The following NRXN3 variants were observed in gnomAD, a reference collection of about 807,000 sequenced individuals.
NRXN3 encodes neurexin III.
Under a neutral mutation model 137.6 loss-of-function variants are expected in NRXN3, and 32 were observed. That is an observed-to-expected ratio of 0.23 (90% confidence interval 0.18 to 0.31). NRXN3 has a LOEUF of 0.31. Ranked by LOEUF, NRXN3 falls within the 10% of genes least tolerant of loss-of-function variation. The pLI, the probability that NRXN3 is intolerant of heterozygous loss-of-function variation, is 1.00. For synonymous variants in NRXN3, 798 were observed against 784.5 expected, an observed-to-expected ratio of 1.02 and a Z score of -0.29; for missense variants, 1,574 against 2,062.5, an observed-to-expected ratio of 0.76 and a Z score of 4.59.
At chr14:79,545,382 G>A (rs1423382946) in intron 16 of NRXN3, among the ~76,000 whole-genome samples, 1 of 152,076 alleles carries the variant, frequency 6.6e-6, no homozygotes, top group Non-Finnish European at 1.5e-5. Context: ...AAATGCAGAT[G>A]TTGTTTTTAA....
At chr14:78,444,846 G>A (rs2094368210) in intron 4 of NRXN3, among the ~76,000 whole-genome samples, 1 of 145,560 alleles carries the variant, frequency 6.9e-6, no homozygotes, top group African/African-American at 2.6e-5. Flanking sequence ...GTGAACCCGG[G>A]AGGCAGAGGT....
chr14:79,596,321 T>G (rs2097858261), intron 16 of NRXN3, among the ~76,000 whole-genome samples: 1 of 152,182 alleles, frequency 6.6e-6, no homozygotes, highest in Non-Finnish European at 1.5e-5. Flanking sequence ...TTGCTTAACT[T>G]TTCTAAATTT....
chr14:78,611,476 T>C lies in NRXN3; in HGVS notation c.758-33644T>C, dbSNP rs1268354882. On this transcript the variant is annotated intron_variant, in intron 4 of 20. Coordinates refer to ENST00000335750, the MANE Select transcript of NRXN3 (RefSeq NM_001330195.2). The stretch of plus-strand genomic sequence containing the variant: ...TCACTTATGGATATACCAGAAAGCA[T>C]ACATATATAATGCAATTATTTGCAT... Among the ~76,000 whole-genome samples the C allele has an allele frequency of 2.6e-5, 4 of 151,782 alleles. 1 individual carries two copies. The highest frequency in any genetic ancestry group is 9.7e-5 in the African/African-American group (4 of 41,308).
intron 4 of NRXN3, among the ~76,000 whole-genome samples, chr14:78,463,509 C>G (rs1004277170): frequency 6.6e-6 from 1 of 151,354 alleles, no homozygotes; most frequent in Non-Finnish European, 1.5e-5. Flanking sequence ...AATTTACATT[C>G]CTACAGTGTA....
intron 15 of NRXN3, among the ~76,000 whole-genome samples, chr14:79,358,402 C>G (rs2093507577): frequency 6.6e-6 from 1 of 151,248 alleles, no homozygotes; most frequent in Non-Finnish European, 1.5e-5. Flanking sequence ...AACCCCGTCT[C>G]TACTAAAAAT....
intron 4 of NRXN3, among the ~76,000 whole-genome samples, chr14:78,589,511 C>G (rs932429474): frequency 4.6e-5 from 7 of 152,180 alleles, no homozygotes; most frequent in African/African-American, 1.7e-4. Context: ...CATGAAATCA[C>G]CAAAGCCTTT....
intron 4 of NRXN3, among the ~76,000 whole-genome samples, chr14:78,566,197 C>T (rs1054895139): frequency 6.6e-6 from 1 of 151,966 alleles, no homozygotes; most frequent in East Asian, 1.9e-4. Context: ...AAACAGGTGC[C>T]CCCGATGATC....
intron 1 of NRXN3, among the ~76,000 whole-genome samples, chr14:78,196,451 G>T (rs1290372006): frequency 6.6e-6 from 1 of 152,200 alleles, no homozygotes; most frequent in East Asian, 1.9e-4. Flanking sequence ...AGAAACACTT[G>T]ACCCCACTGC....
intron 16 of NRXN3, among the ~76,000 whole-genome samples, chr14:79,504,004 G>C (rs1314174751): frequency 6.6e-6 from 1 of 152,138 alleles, no homozygotes; most frequent in East Asian, 1.9e-4. Flanking sequence ...AGTCTAACCT[G>C]GAATCTTTTC....
At chr14:79,836,142 C>T (rs1396976580) in intron 20 of NRXN3, among the ~76,000 whole-genome samples, 1 of 152,090 alleles carries the variant, frequency 6.6e-6, no homozygotes, top group African/African-American at 2.4e-5. Flanking sequence ...TTATTCCTCT[C>T]AAAGTTCAGC....
At chr14:79,120,682 A>G (rs1198205774) in intron 15 of NRXN3, among the ~76,000 whole-genome samples, 1 of 152,104 alleles carries the variant, frequency 6.6e-6, no homozygotes, top group African/African-American at 2.4e-5. Context: ...TTTTTATATT[A>G]TTCACCTTTT....
rs140378176 is a variant in NRXN3 at position 79,620,481 on chromosome 14, T to G, written c.3445-43297T>G. ...AAGGGAAAACTTATTAGGATGCTAG[T>G]TCTCTGAGGTTATAAAGACCATAAG... On this transcript the variant is annotated intron_variant, in intron 16 of 20. Coordinates refer to ENST00000335750, the MANE Select transcript of NRXN3 (RefSeq NM_001330195.2). Among the ~76,000 whole-genome samples, 309 of 152,204 alleles carry G rather than the reference T, an allele frequency of 2.0e-3. 1 individual carries two copies. Among genetic ancestry groups the G allele is most frequent in the South Asian group, 9.5e-3 (46 of 4,824 alleles).
intron 10 of NRXN3, among the ~76,000 whole-genome samples, chr14:78,919,982 G>A (rs1350083450): frequency 6.6e-6 from 1 of 152,152 alleles, no homozygotes; most frequent in African/African-American, 2.4e-5. Flanking sequence ...ATTATTTGTA[G>A]CATAGCATTC....
intron 10 of NRXN3, among the ~76,000 whole-genome samples, chr14:78,878,570 T>C (rs1379468954): frequency 6.6e-6 from 1 of 152,162 alleles, no homozygotes; most frequent in African/African-American, 2.4e-5. Flanking sequence ...CACCAGAATG[T>C]CACATTTTAT....
At chr14:78,897,471 A>G (rs1249097599) in intron 10 of NRXN3, among the ~76,000 whole-genome samples, 1 of 151,840 alleles carries the variant, frequency 6.6e-6, no homozygotes, top group Non-Finnish European at 1.5e-5. Context: ...GCTTATCCCT[A>G]GAATTGATTC....
At chr14:78,784,061 T>C (rs1672685370) in intron 8 of NRXN3, among the ~76,000 whole-genome samples, 1 of 95,196 alleles carries the variant, frequency 1.1e-5, no homozygotes, top group South Asian at 3.0e-4. Flanking sequence ...AGATAACACA[T>C]GAGAAAAAAA....
At chr14:79,261,753 T>C (rs1364787180) in intron 15 of NRXN3, among the ~76,000 whole-genome samples, 1 of 152,102 alleles carries the variant, frequency 6.6e-6, no homozygotes, top group African/African-American at 2.4e-5. Flanking sequence ...GCACATATTA[T>C]CTTGGCCTCT....
intron 4 of NRXN3, among the ~76,000 whole-genome samples, chr14:78,481,152 A>G (rs564180484): frequency 1.3e-5 from 2 of 152,226 alleles, no homozygotes; most frequent in Non-Finnish European, 2.9e-5. Flanking sequence ...ACTGAATAAA[A>G]TGATTTTTAA....
intron 10 of NRXN3, among the ~76,000 whole-genome samples, chr14:78,938,974 TAGCTGGGA>T (rs1402425511): frequency 4.7e-5 from 7 of 150,460 alleles, no homozygotes; most frequent in African/African-American, 1.7e-4. Context: ...GCCTCCGGAG[TAGCTGGGA>T]CTACAGGCGC....
Sources: gnomAD v4.1 joint callset for allele counts (sites outside exome capture counted in the v4.1 genomes callset) on GRCh38, gnomAD v4.1.1 for gene constraint, MANE v1.5 for transcripts, NCBI Gene and HGNC (gene_info 2026-07-23, HGNC 2026-07-21) for gene names.